HOOK1: variants seen among roughly 807,000 people sequenced by gnomAD.
HOOK1 encodes the protein protein Hook homolog 1.
A neutral mutation model predicts 112.8 loss-of-function variants in HOOK1; 60 were observed. That is an observed-to-expected ratio of 0.53 (90% CI 0.43 to 0.66). HOOK1 has a LOEUF of 0.66. HOOK1 is among the 30% of genes least tolerant of loss of function. HOOK1 has a pLI of 0.00. For synonymous variants in HOOK1, 294 were observed against 283.8 expected, an observed-to-expected ratio of 1.04 and a Z score of -0.36; for missense variants, 770 against 856.0, an observed-to-expected ratio of 0.90 and a Z score of 1.25.
chr1:59,865,075 G>A (rs1032063794), intron 17 of HOOK1, 88 bp from the exon 18 acceptor site: 2 of 782,690 alleles, frequency 2.6e-6, no homozygotes, highest in Non-Finnish European at 4.5e-6. Flanking sequence ...TTTCACAGAT[G>A]AGGAACCAAG....
intron 18 of HOOK1, among the ~76,000 whole-genome samples, chr1:59,865,666 AAAT>A (rs1243252887): frequency 6.6e-6 from 1 of 152,118 alleles, no homozygotes; most frequent in Non-Finnish European, 1.5e-5. Flanking sequence ...TTTAAGGGTC[AAAT>A]AATAAATGAT....
Position 59,831,561 on chromosome 1 carries a change from A to T in HOOK1, c.223-602A>T, listed in dbSNP as rs145126494. 4.5e-3 allele frequency among the ~76,000 whole-genome samples: 690 copies of T among 152,306 alleles called. 9 individuals carry two copies. The highest frequency in any genetic ancestry group is 0.014 in the African/African-American group (564 of 41,576). Reference sequence around the variant, plus strand: ...TTACACAAATCTCCAGAGCTTGCTCATTCCATAGCTCCCATCTTTTCATCG... The same window carrying T: ...TTACACAAATCTCCAGAGCTTGCTCTTTCCATAGCTCCCATCTTTTCATCG... On this transcript the variant is annotated intron_variant, in intron 3 of 21. Coordinates refer to ENST00000371208, the MANE Select transcript of HOOK1 (RefSeq NM_015888.6).
intron 14 of HOOK1, among the ~76,000 whole-genome samples, chr1:59,859,736 T>G (rs540899013): frequency 6.6e-6 from 1 of 152,140 alleles, no homozygotes; most frequent in African/African-American, 2.4e-5. Flanking sequence ...AGAAACTTTC[T>G]TATTGCCATT....
intron 14 of HOOK1, 31 bp downstream of exon 14, chr1:59,859,076 T>TGAA: frequency 1.9e-6 from 2 of 1,051,322 alleles, no homozygotes; most frequent in Non-Finnish European, 2.6e-6. Flanking sequence ...GATAGAATTA[T>TGAA]ATTTAATATT....
intron 8 of HOOK1, among the ~76,000 whole-genome samples, chr1:59,842,394 G>C (rs1272055921): frequency 6.6e-6 from 1 of 152,030 alleles, no homozygotes; most frequent in Admixed American, 6.6e-5. Context: ...TCACTAAACA[G>C]CTTACATAAT....
At chr1:59,860,984 A>G (rs1278737067) in intron 15 of HOOK1, among the ~76,000 whole-genome samples, 1 of 151,600 alleles carries the variant, frequency 6.6e-6, no homozygotes, top group Non-Finnish European at 1.5e-5. Context: ...CACCATGTTG[A>G]CCAGGCTCGT....
In HOOK1 at chr1:59,875,363, T is replaced by A. The variant is rs1039279918; in HGVS notation, c.*2398T>A. The A allele has an allele frequency of 2.6e-5, 4 of 152,638 alleles. No individual in the cohort carries two copies. The highest frequency in any genetic ancestry group is 9.6e-5 in the African/African-American group (4 of 41,466). 9.5% of individuals were successfully genotyped at this position (152,638 alleles called of 1,614,324 possible). A position where few individuals can be genotyped will look rare whatever the true frequency, so the allele number is the denominator to read the frequency against. On this transcript the variant is annotated 3_prime_UTR_variant, in exon 22 of 22. Transcript: ENST00000371208. ...GATAAGTAGGATTCAAAACGTTTGA[T>A]ATGTAAGTATTTATATAAGACTAAT... is the stretch of plus-strand genomic sequence containing the variant.
rs114487303 is a variant in HOOK1 at position 59,858,458 on chromosome 1, G to T, written c.1273G>T (p.Glu425Ter). The change falls in exon 13 of 22, where the codon GAA becomes TAA. Residue 425 changes from glutamate (E) to a stop codon, truncating the protein, a stop_gained. Transcript: ENST00000371208. LOFTEE classifies it high-confidence loss of function. The part of the protein sequence containing the change: ...RLIEQRDTLK[E>*]TNEELRCSQV... ...AATTGAGCAGCGTGATACTTTGAAAGAAACAAATGAAGAGCTTCGATGTTC... is the reference window on the plus strand; with the variant it reads ...AATTGAGCAGCGTGATACTTTGAAATAAACAAATGAAGAGCTTCGATGTTC... 4 of 1,613,060 alleles carry T rather than the reference G, an allele frequency of 2.5e-6. No individual in the cohort carries two copies. In the African/African-American group the frequency reaches 5.3e-5, roughly 22 times the overall value.
intron 21 of HOOK1, 113 bp downstream of exon 21, chr1:59,871,223 A>G: frequency 3.0e-6 from 2 of 659,926 alleles, no homozygotes; most frequent in East Asian, 2.8e-5. Context: ...ACCAAGACAT[A>G]GCATGTTTAT....
chr1:59,871,946 T>G (rs1435907624), intron 21 of HOOK1, among the ~76,000 whole-genome samples: 1 of 152,208 alleles, frequency 6.6e-6, no homozygotes, highest in Non-Finnish European at 1.5e-5. Context: ...GTGTGAGGTA[T>G]TCTCAGAACT....
chr1:59,830,781 G>C (rs1025199867), intron 3 of HOOK1, among the ~76,000 whole-genome samples: 8 of 151,400 alleles, frequency 5.3e-5, no homozygotes, highest in East Asian at 1.9e-4. Flanking sequence ...CATGTGTATT[G>C]ACTGAGTTTT....
At chr1:59,868,123 A>G in intron 19 of HOOK1, 127 bp from the exon 20 acceptor site, 1 of 592,194 alleles carries the variant, frequency 1.7e-6, no homozygotes, top group Non-Finnish European at 3.0e-6. Flanking sequence ...AAAACAAGCT[A>G]CAGTTAGCTC....
rs568064108 is a variant in HOOK1, at chr1:59,863,012, C to T, written c.1626+135C>T. On this transcript the variant is annotated intron_variant, in intron 16 of 21. Transcript: ENST00000371208. ...TACCCTTAAATACCGTATATATCTG[C>T]ATAATAGATGCAGTGATTTTGCCAA... 10 of 473,884 alleles carry T rather than the reference C, an allele frequency of 2.1e-5. No individual in the cohort carries two copies. In the South Asian group the frequency reaches 2.5e-4, roughly 12 times the overall value. The allele number at this position is 473,884 out of a possible 1,614,324, so 29.4% of individuals were successfully genotyped here.
At chr1:59,818,533 G>T (rs764008016) in intron 1 of HOOK1, among the ~76,000 whole-genome samples, 20 of 152,214 alleles carry the variant, frequency 1.3e-4, no homozygotes, top group Admixed American at 7.2e-4. Context: ...GGACATGTAT[G>T]AGAGTTTGAA....
At chr1:59,827,356 T>C (rs1281756249) in intron 2 of HOOK1, among the ~76,000 whole-genome samples, 2 of 152,220 alleles carry the variant, frequency 1.3e-5, no homozygotes, top group Admixed American at 1.3e-4. Flanking sequence ...GATGGGTTTT[T>C]ACCAAATATC....
intron 2 of HOOK1, among the ~76,000 whole-genome samples, chr1:59,823,172 T>G (rs1368509232): frequency 6.6e-6 from 1 of 151,918 alleles, no homozygotes; most frequent in Non-Finnish European, 1.5e-5. Context: ...TACAAAAAAT[T>G]AGCCAGGCAT....
intron 11 of HOOK1, 55 bp from the exon 12 acceptor site, chr1:59,849,018 A>G (rs1282365305): frequency 9.9e-7 from 1 of 1,012,724 alleles, no homozygotes; most frequent in Non-Finnish European, 1.5e-6. Context: ...GACTATTGAG[A>G]TTTATACACT....
At position 59,846,347 on chromosome 1, in the gene HOOK1, A is replaced by G. The variant is rs72923806; in HGVS notation, c.789-698A>G. ...TGATCACTCTTGCTAGAGGTTCATC[A>G]GTTTTCTTAATCTTTTCAAACATCC... is the stretch of plus-strand genomic sequence containing the variant. On this transcript the variant is annotated intron_variant, in intron 9 of 21. Transcript: ENST00000371208. Among the ~76,000 whole-genome samples the G allele has an allele frequency of 5.8e-3, 886 of 151,678 alleles. 6 individuals carry two copies. The highest frequency in any genetic ancestry group is 0.02 in the African/African-American group (832 of 41,426).
At chr1:59,842,986 T>G (rs1165515700) in intron 8 of HOOK1, among the ~76,000 whole-genome samples, 1 of 152,060 alleles carries the variant, frequency 6.6e-6, no homozygotes, top group Non-Finnish European at 1.5e-5. Context: ...ATATGTGATA[T>G]GTGACTGATA....
Sources: allele counts gnomAD v4.1 joint callset (sites outside exome capture counted in the v4.1 genomes callset), GRCh38; gene constraint gnomAD v4.1.1; transcripts MANE v1.5; gene names NCBI Gene and HGNC (gene_info 2026-07-23, HGNC 2026-07-21).